The following STOX1 variants were observed in gnomAD, a reference collection of about 807,000 sequenced individuals.
STOX1 encodes the protein storkhead-box protein 1.
Under a neutral mutation model 74.8 loss-of-function variants are expected in STOX1, and 57 were observed. The ratio of observed to expected loss-of-function variants is 0.76; its 90% CI spans 0.62 to 0.95. STOX1 has a LOEUF of 0.95. STOX1 is among the 40% of genes least tolerant of loss of function. The pLI, the probability that STOX1 is intolerant of heterozygous loss-of-function variation, is 0.00. For synonymous variants in STOX1, 375 were observed against 401.3 expected (o/e 0.93, Z 0.78); for missense variants, 1,010 against 1,117.0 (o/e 0.90, Z 1.37).
intron 1 of STOX1, among the ~76,000 whole-genome samples, chr10:68,860,185 T>G (rs1346790052): frequency 6.6e-6 from 1 of 150,974 alleles, no homozygotes; most frequent in Non-Finnish European, 1.5e-5. Flanking sequence ...GAAGAATCAC[T>G]TGGACCCAGG....
At chr10:68,841,188 G>C (rs1839686137) in intron 1 of STOX1, among the ~76,000 whole-genome samples, 1 of 149,438 alleles carries the variant, frequency 6.7e-6, no homozygotes. Context: ...CTCGTGATCT[G>C]CCCGCCTTGG....
chr10:68,834,065 G>C (rs527525141), intron 1 of STOX1, among the ~76,000 whole-genome samples: 1 of 152,162 alleles, frequency 6.6e-6, no homozygotes, highest in Non-Finnish European at 1.5e-5. Context: ...GGAGTTCTTT[G>C]TGCTTTGGGA....
chr10:68,880,071 C>T (rs556637699), intron 1 of STOX1, among the ~76,000 whole-genome samples: 1 of 152,070 alleles, frequency 6.6e-6, no homozygotes, highest in South Asian at 2.1e-4. Context: ...AAGGAACACC[C>T]ATTAACTTTA....
intron 1 of STOX1, among the ~76,000 whole-genome samples, chr10:68,873,585 G>T: frequency 3.7e-5 from 4 of 109,408 alleles, no homozygotes; most frequent in Admixed American, 9.9e-5. Context: ...TTTTAATCCT[G>T]AGTTTTAGAA....
rs549930289 is a variant in STOX1 at position 68,860,707 on chromosome 10, G to T, written c.311-21251G>T. 3.3e-5 allele frequency among the ~76,000 whole-genome samples: 5 copies of T among 152,128 alleles called. No individual in the cohort carries two copies. The East Asian group carries it at 5.8e-4, about 18-fold the overall frequency. ...AAGGCGAGGGAAAATTTGATTGGGTGTGTGTGTTAAATGGGCCAACCAGTG... is the reference window on the plus strand; with the variant it reads ...AAGGCGAGGGAAAATTTGATTGGGTTTGTGTGTTAAATGGGCCAACCAGTG... On this transcript the variant is annotated intron_variant, in intron 1 of 3. Transcript: ENST00000298596.
intron 1 of STOX1, among the ~76,000 whole-genome samples, chr10:68,845,689 C>T (rs933118203): frequency 2.3e-4 from 35 of 151,848 alleles, no homozygotes; most frequent in Non-Finnish European, 1.2e-4. Flanking sequence ...GCAACCTCCA[C>T]CTCCTGGGTT....
Position 68,886,196 on chromosome 10 carries a change from C to T in STOX1, c.2400C>T (p.Tyr800=). 2 of 1,614,200 alleles carry T rather than the reference C, an allele frequency of 1.2e-6. No individual in the cohort carries two copies. The highest frequency in any genetic ancestry group is 1.7e-6 in the Non-Finnish European group (2 of 1,180,020). ...AGGTGCTTAAAAGAAATGAATGCTACAAACCCACTGGGCTGCATGCTACCC... is the reference window on the plus strand; with the variant it reads ...AGGTGCTTAAAAGAAATGAATGCTATAAACCCACTGGGCTGCATGCTACCC... ...ESQVLKRNEC[Y]KPTGLHATPG... is the part of the protein sequence containing the mutation. Residue 800 remains tyrosine (Y), a synonymous_variant, in exon 3 of 4, where the codon TAC becomes TAT. Coordinates refer to ENST00000298596, the MANE Select transcript of STOX1 (RefSeq NM_152709.5).
chr10:68,833,237 C>T (rs2133486558), intron 1 of STOX1, among the ~76,000 whole-genome samples: 1 of 152,142 alleles, frequency 6.6e-6, no homozygotes, highest in Non-Finnish European at 1.5e-5. Flanking sequence ...AGGCGCGTGC[C>T]AGCACGCCCG....
chr10:68,849,749 T>C (rs972223770), intron 1 of STOX1, among the ~76,000 whole-genome samples: 1 of 152,222 alleles, frequency 6.6e-6, no homozygotes, highest in Admixed American at 6.5e-5. Flanking sequence ...GATTGTTCTT[T>C]CATCCTTGTT....
At chr10:68,846,744 T>C (rs1174160411) in intron 1 of STOX1, 1 of 152,216 alleles carries the variant, frequency 6.6e-6, no homozygotes, top group East Asian at 1.9e-4. Flanking sequence ...ATGTAAACTT[T>C]AGAATCAACT....
At chr10:68,895,058 A>C (rs1263763555), downstream of STOX1, among the ~76,000 whole-genome samples, 1 of 152,184 alleles carries the variant, frequency 6.6e-6, no homozygotes, top group Non-Finnish European at 1.5e-5. Context: ...CTGAAGATGA[A>C]GTAGGTAGCT....
chr10:68,885,945 G>T lies in STOX1; in HGVS notation c.2149G>T (p.Asp717Tyr). Reference sequence around the variant, plus strand: ...AGAAAATGAACAGCTTTCTAACGATGACCAGGCCTTGTATCAGAATGAAGT... The same window carrying T: ...AGAAAATGAACAGCTTTCTAACGATTACCAGGCCTTGTATCAGAATGAAGT... ...SLENEQLSND[D>Y]QALYQNEVED... Residue 717 changes from aspartate to tyrosine, a missense_variant, in exon 3 of 4, where the codon GAC (aspartate) becomes TAC (tyrosine). Asp to Tyr is a radical substitution (Grantham distance 160). Transcript: ENST00000298596. 1 of 1,614,176 alleles carries T rather than the reference G, an allele frequency of 6.2e-7. No individual in the cohort carries two copies. Among genetic ancestry groups the T allele is most frequent in the Non-Finnish European group, 8.5e-7 (1 of 1,180,036 alleles).
Position 68,885,144 on chromosome 10 carries a change from G to C in STOX1, c.1348G>C (p.Glu450Gln). ...GTTTCAGCCAGGAAGCATTAGACTGGAGAAACACCCCAAGCTCCCTGCTAC... is the reference window on the plus strand; with the variant it reads ...GTTTCAGCCAGGAAGCATTAGACTGCAGAAACACCCCAAGCTCCCTGCTAC... ...SEFQPGSIRLEKHPKLPATQP... is the reference protein window; with the variant it reads ...SEFQPGSIRLQKHPKLPATQP... The change falls in exon 3 of 4, where the codon GAG becomes CAG. Residue 450 changes from glutamate to glutamine, a missense_variant. Coordinates refer to ENST00000298596, the MANE Select transcript of STOX1 (RefSeq NM_152709.5). 6.2e-7 allele frequency: 1 copy of C among 1,613,716 alleles called. No homozygotes were observed. Among genetic ancestry groups the C allele is most frequent in the Non-Finnish European group, 8.5e-7 (1 of 1,179,816 alleles).
intron 1 of STOX1, among the ~76,000 whole-genome samples, chr10:68,868,182 C>T (rs1840455220): frequency 1.3e-5 from 2 of 152,186 alleles, no homozygotes; most frequent in Non-Finnish European, 2.9e-5. Flanking sequence ...GGAATAAAGA[C>T]ACAGACAGAG....
intron 1 of STOX1, among the ~76,000 whole-genome samples, chr10:68,879,061 A>T (rs912742395): frequency 6.6e-6 from 1 of 152,144 alleles, no homozygotes; most frequent in African/African-American, 2.4e-5. Flanking sequence ...CGTTAGCAAG[A>T]TCTACTGGTG....
chr10:68,848,411 C>T (rs1839904923), intron 1 of STOX1, among the ~76,000 whole-genome samples: 1 of 152,126 alleles, frequency 6.6e-6, no homozygotes, highest in African/African-American at 2.4e-5. Context: ...TTTGTGTGGG[C>T]TTTCCATGCT....
rs867360936 is a variant in STOX1, at chr10:68,881,969, C to A, written c.322C>A (p.Pro108Thr). The A allele has an allele frequency of 3.2e-5, 51 of 1,611,966 alleles. No individual in the cohort carries two copies. In the East Asian group the frequency reaches 1.1e-3, roughly 35 times the overall value. ...FRIRAVGDVF[P>T]VQMNPITQSQ... ...AATCTCCAATTTAGGTGATGTCTTT[C>A]CAGTGCAAATGAATCCAATAACTCA... Residue 108 changes from proline (P) to threonine (T), a missense_variant, in exon 2 of 4, where the codon CCA (proline) becomes ACA (threonine). Pro to Thr is a conservative substitution (Grantham distance 38). Transcript: ENST00000298596.
intron 1 of STOX1, among the ~76,000 whole-genome samples, chr10:68,829,515 C>T (rs181419901): frequency 3.9e-5 from 6 of 152,042 alleles, no homozygotes; most frequent in African/African-American, 1.2e-4. Context: ...GAAACTCCGT[C>T]TCAAAAGGAA....
At position 68,892,849 on chromosome 10, in the gene STOX1, A is replaced by G. The variant is rs1345676486; in HGVS notation, c.*113A>G. On this transcript the variant is annotated 3_prime_UTR_variant, in exon 4 of 4. Transcript: ENST00000298596. ...GAATTGTCTAAAGGCAAGCATATCT[A>G]TACTATTAACCACATTACACATTTT... The G allele has an allele frequency of 8.4e-7, 1 of 1,196,760 alleles. No homozygotes were observed. Among genetic ancestry groups the G allele is most frequent in the Non-Finnish European group, 1.2e-6 (1 of 838,842 alleles). The allele number at this position is 1,196,760 out of a possible 1,614,324, so 74.1% of individuals were successfully genotyped here.
Sources: allele counts gnomAD v4.1 joint callset (sites outside exome capture counted in the v4.1 genomes callset), GRCh38; gene constraint gnomAD v4.1.1; transcripts MANE v1.5; gene names NCBI Gene and HGNC (gene_info 2026-07-23, HGNC 2026-07-21).